FYB1: variants seen among roughly 807,000 people sequenced by gnomAD.
FYB1 encodes the protein FYN binding protein 1.
Under a neutral mutation model 94.1 loss-of-function variants are expected in FYB1, and 41 were observed. The observed-to-expected ratio is 0.44, with a 90% CI of 0.34 to 0.57. The LOEUF (loss-of-function observed/expected upper bound fraction) is 0.57, where lower values mean the gene tolerates loss of function less well. Among genes scored for constraint, FYB1 ranks in the 20% least tolerant of loss-of-function variants. The pLI is 0.02. For missense variants in FYB1, 1,050 were observed against 976.8 expected (o/e 1.07, Z -1.00); for synonymous variants, 367 against 353.2 (o/e 1.04, Z -0.44).
rs546364895 is a variant in FYB1, at chr5:39,243,266, G to A, written c.-28+31137C>T. On this transcript the variant is annotated intron_variant, in intron 1 of 1. Coordinates refer to the FYB1 transcript ENST00000510188. ...TTAGGTTTTCTTCTAGGGTTTTTAT[G>A]GTTTTAGGTCTAACATTTAAGTCTT... is the stretch of plus-strand genomic sequence containing the variant. Among the ~76,000 whole-genome samples the A allele has an allele frequency of 1.6e-4, 24 of 151,994 alleles. 1 individual carries two copies. In the South Asian group the frequency reaches 5.0e-3, roughly 32 times the overall value.
intron 2 of FYB1, chr5:39,169,499 A>G: frequency 3.4e-5 from 21 of 622,286 alleles, no homozygotes; most frequent in South Asian, 2.4e-4. Flanking sequence ...AAGACCCGTT[A>G]CTACTACTTC....
intron 2 of FYB1, among the ~76,000 whole-genome samples, chr5:39,183,995 T>A (rs1746503524): frequency 6.6e-6 from 1 of 152,156 alleles, no homozygotes; most frequent in Admixed American, 6.5e-5. Flanking sequence ...ATAATAGGTA[T>A]CAGGTGAAAT....
intron 3 of FYB1, among the ~76,000 whole-genome samples, chr5:39,149,137 C>G (rs1743027272): frequency 6.6e-6 from 1 of 152,134 alleles, no homozygotes; most frequent in South Asian, 2.1e-4. Flanking sequence ...TACAATATAA[C>G]TTTGGCCTCA....
intron 9 of FYB1, among the ~76,000 whole-genome samples, chr5:39,130,869 G>A (rs1741141438): frequency 6.6e-6 from 1 of 151,984 alleles, no homozygotes; most frequent in Admixed American, 6.6e-5. Flanking sequence ...TGATGATATT[G>A]TTTGCTTTTG....
At chr5:39,115,438 A>G (rs2150268369) in intron 16 of FYB1, among the ~76,000 whole-genome samples, 1 of 152,136 alleles carries the variant, frequency 6.6e-6, no homozygotes, top group South Asian at 2.1e-4. Flanking sequence ...AATAGTTTAT[A>G]TTTCTGGAGT....
chr5:39,173,062 C>T (rs6874694), intron 2 of FYB1, among the ~76,000 whole-genome samples: 7,269 of 152,246 alleles, frequency 0.048, 619 homozygotes, highest in African/African-American at 0.17. Flanking sequence ...CTTACATTCC[C>T]ACCAACAATT....
intron 1 of FYB1, among the ~76,000 whole-genome samples, chr5:39,230,524 CAT>C (rs1446779860): frequency 6.6e-6 from 1 of 151,804 alleles, no homozygotes; most frequent in African/African-American, 2.4e-5. Context: ...TTTGTCACAG[CAT>C]ATATATATGT....
At chr5:39,221,225 A>T (rs78901832), upstream of FYB1, among the ~76,000 whole-genome samples, 289 of 152,224 alleles carry the variant, frequency 1.9e-3, 1 homozygote, top group East Asian at 0.018. Flanking sequence ...GCTGGCTGGG[A>T]TGCTGTGGGG....
rs139458502 is a variant in FYB1 at position 39,196,470 on chromosome 5, C to A, written c.1135+5356G>T. On this transcript the variant is annotated intron_variant, in intron 2 of 18. Coordinates refer to ENST00000512982, the MANE Select transcript of FYB1 (RefSeq NM_001465.6). ...TCGGCCTCCCAAAGTGCTGGGATTA[C>A]AGGCATGAGCCACCGCACCCGGTCT... Among the ~76,000 whole-genome samples, 17 of 152,280 alleles carry A rather than the reference C, an allele frequency of 1.1e-4. No homozygotes were observed. In the East Asian group the frequency reaches 3.3e-3, roughly 29 times the overall value.
intron 12 of FYB1, 162 bp from the exon 13 acceptor site, chr5:39,124,440 C>G: frequency 2.0e-6 from 1 of 495,356 alleles, no homozygotes; most frequent in South Asian, 3.9e-5. Context: ...TCCACTAAGT[C>G]CATTTCTGTT....
In FYB1 at chr5:39,135,022, G is replaced by T; in HGVS notation, c.1516-8C>A. The T allele has an allele frequency of 6.2e-7, 1 of 1,605,362 alleles. No homozygotes were observed. The highest frequency in any genetic ancestry group is 8.5e-7 in the Non-Finnish European group (1 of 1,176,830). Reference sequence around the variant, plus strand: ...TTGAATAGGGCCTGTTAGCTGCAAAGAGAAAAAAATAGTCACAAAAGATTT... The same window carrying T: ...TTGAATAGGGCCTGTTAGCTGCAAATAGAAAAAAATAGTCACAAAAGATTT... On this transcript the variant is annotated splice_polypyrimidine_tract_variant and splice_region_variant and intron_variant, in intron 7 of 18. Coordinates refer to ENST00000512982, the MANE Select transcript of FYB1 (RefSeq NM_001465.6).
At position 39,242,546 on chromosome 5, in the gene FYB1, A is replaced by G. The variant is rs1355250432; in HGVS notation, c.-28+31857T>C. 2.6e-5 allele frequency among the ~76,000 whole-genome samples: 4 copies of G among 152,120 alleles called. No homozygotes were observed. In the East Asian group the frequency reaches 7.7e-4, roughly 29 times the overall value. On this transcript the variant is annotated intron_variant, in intron 1 of 1. Coordinates refer to the FYB1 transcript ENST00000510188. ...TCTTAATCCAATCTATCATTGGTGG[A>G]CATTTGGGTTGGTTCCAAGTCTTTG... is the stretch of plus-strand genomic sequence containing the variant.
chr5:39,207,051 C>T (rs1341235657), intron 1 of FYB1, among the ~76,000 whole-genome samples: 1 of 152,072 alleles, frequency 6.6e-6, no homozygotes, highest in Non-Finnish European at 1.5e-5. Flanking sequence ...GTGTTATTTG[C>T]AGAACCTTTT....
intron 1 of FYB1, among the ~76,000 whole-genome samples, chr5:39,217,044 A>G (rs1198384133): frequency 6.6e-6 from 1 of 152,218 alleles, no homozygotes; most frequent in Non-Finnish European, 1.5e-5. Flanking sequence ...ATATTCCTTG[A>G]CTTCCAGAGC....
intron 16 of FYB1, among the ~76,000 whole-genome samples, chr5:39,111,402 A>G (rs556276403): frequency 2.6e-5 from 4 of 152,096 alleles, no homozygotes; most frequent in African/African-American, 9.6e-5. Flanking sequence ...TTATAAGGAG[A>G]AAGCTCATAA....
intron 3 of FYB1, among the ~76,000 whole-genome samples, chr5:39,144,487 G>T (rs1742467225): frequency 6.6e-6 from 1 of 152,080 alleles, no homozygotes; most frequent in African/African-American, 2.4e-5. Flanking sequence ...AAAAGACATG[G>T]AGAGTGAACT....
At chr5:39,256,479 C>T (rs555737827) in intron 1 of FYB1, among the ~76,000 whole-genome samples, 13 of 152,274 alleles carry the variant, frequency 8.5e-5, no homozygotes, top group African/African-American at 2.9e-4. Context: ...GTTATCCTGG[C>T]TGTTTTATGG....
At chr5:39,120,217 T>C (rs1235513697) in intron 14 of FYB1, among the ~76,000 whole-genome samples, 1 of 146,776 alleles carries the variant, frequency 6.8e-6, no homozygotes, top group Non-Finnish European at 1.5e-5. Flanking sequence ...CTTCATCCCT[T>C]TATCAATTGT....
At chr5:39,169,347 C>T (rs532166919) in intron 2 of FYB1, 43 of 759,046 alleles carry the variant, frequency 5.7e-5, no homozygotes, top group South Asian at 3.6e-4. Flanking sequence ...AATTCCCAGA[C>T]GAATACTAAA....
Sources: gnomAD v4.1 joint callset for allele counts (sites outside exome capture counted in the v4.1 genomes callset) on GRCh38, gnomAD v4.1.1 for gene constraint, MANE v1.5 for transcripts, NCBI Gene and HGNC (gene_info 2026-07-23, HGNC 2026-07-21) for gene names.